Variants in CTNND2 observed in about 807,000 individuals in gnomAD.
CTNND2 encodes the protein catenin delta 2.
In CTNND2, 22 loss-of-function variants were observed where a neutral mutation model predicts 144.4. That is an observed-to-expected ratio of 0.15 (90% CI 0.11 to 0.22). The LOEUF (loss-of-function observed/expected upper bound fraction) is 0.22. CTNND2 is among the 10% of genes least tolerant of loss of function. CTNND2 has a pLI of 1.00. For synonymous variants in CTNND2, 751 were observed against 695.6 expected (o/e 1.08, Z -1.25); for missense variants, 1,353 against 1,618.8 (o/e 0.84, Z 2.82).
chr5:11,893,676 TC>T (rs1157365506), intron 1 of CTNND2, among the ~76,000 whole-genome samples: 4 of 152,064 alleles, frequency 2.6e-5, no homozygotes, highest in Non-Finnish European at 5.9e-5. Flanking sequence ...AACGTTAATT[TC>T]CTCCAGCCAT....
At chr5:11,747,168 C>G (rs74569195) in intron 1 of CTNND2, among the ~76,000 whole-genome samples, 12,077 of 152,152 alleles carry the variant, frequency 0.079, 1,288 homozygotes, top group African/African-American at 0.24. Flanking sequence ...CCAGACAACA[C>G]AAATATATTT....
chr5:11,655,735 T>C (rs1401103744), intron 2 of CTNND2, among the ~76,000 whole-genome samples: 3 of 152,096 alleles, frequency 2.0e-5, no homozygotes, highest in African/African-American at 4.8e-5. Flanking sequence ...ATAAGATCAA[T>C]CCATATGTAC....
In CTNND2 at chr5:11,384,819, G is replaced by T. The variant is rs756505565; in HGVS notation, c.1023C>A (p.Ile341=). The T allele has an allele frequency of 1.9e-6, 3 of 1,613,338 alleles. No individual in the cohort carries two copies. Among genetic ancestry groups the T allele is most frequent in the Non-Finnish European group, 2.5e-6 (3 of 1,179,746 alleles). The part of the protein sequence containing the change: ...VTSPPTVQST[I]SSSPIHQLSS... ...TCAGCTGGTGGATGGGCGAGGAGGAGATGGTGGACTGCACGGTGGGGGGCG... is the reference window on the plus strand; with the variant it reads ...TCAGCTGGTGGATGGGCGAGGAGGATATGGTGGACTGCACGGTGGGGGGCG... The change falls in exon 7 of 22, where the codon ATC becomes ATA. Residue 341 remains isoleucine, a synonymous_variant. Transcript: ENST00000304623. The surrounding 1 kb of genome is among the most constrained non-coding windows in gnomAD (Gnocchi z 5.2).
At chr5:11,220,168 G>A (rs1251640451) in intron 10 of CTNND2, among the ~76,000 whole-genome samples, 1 of 151,898 alleles carries the variant, frequency 6.6e-6, no homozygotes, top group African/African-American at 2.4e-5. Flanking sequence ...TCCATCACCT[G>A]TGAAGATGGT....
chr5:11,224,119 C>T (rs1259016797), intron 10 of CTNND2, among the ~76,000 whole-genome samples: 1 of 152,170 alleles, frequency 6.6e-6, no homozygotes, highest in Non-Finnish European at 1.5e-5. Context: ...ATCTATACCT[C>T]CACGCAGCGG....
At chr5:11,266,414 T>A (rs1745445514) in intron 9 of CTNND2, among the ~76,000 whole-genome samples, 1 of 152,196 alleles carries the variant, frequency 6.6e-6, no homozygotes, top group South Asian at 2.1e-4. Context: ...CTGCAGAGTG[T>A]CACCACATTT....
At chr5:11,198,597 T>C (rs558447872) in intron 11 of CTNND2, among the ~76,000 whole-genome samples, 10 of 152,234 alleles carry the variant, frequency 6.6e-5, no homozygotes, top group Non-Finnish European at 1.5e-4. Context: ...AAAGATCTTT[T>C]TAGACAGTCA....
chr5:10,992,407 C>A (rs1307720861), intron 19 of CTNND2, 144 bp downstream of exon 19: 7 of 1,191,708 alleles, frequency 5.9e-6, no homozygotes, highest in African/African-American at 1.5e-5. Context: ...CACCACAGTA[C>A]AAAGAACAGA....
rs115757460 is a variant in CTNND2 at position 11,445,324 on chromosome 5, T to A, written c.288-33255A>T. ...TATTAGTCATATTGGGTTAGGGATA[T>A]CTCATCCTAACTTGATTACATCTGC... On this transcript the variant is annotated intron_variant, in intron 3 of 21. Coordinates refer to ENST00000304623, the MANE Select transcript of CTNND2 (RefSeq NM_001332.4). Among the ~76,000 whole-genome samples the A allele has an allele frequency of 9.1e-3, 1,385 of 152,282 alleles. 21 individuals are homozygous for A. The highest frequency in any genetic ancestry group is 0.03 in the African/African-American group (1,267 of 41,568).
At chr5:11,447,723 T>C (rs1279414921) in intron 3 of CTNND2, among the ~76,000 whole-genome samples, 1 of 152,184 alleles carries the variant, frequency 6.6e-6, no homozygotes, top group Non-Finnish European at 1.5e-5. Flanking sequence ...ACGTGGCTAC[T>C]GTCCACCCAG....
At chr5:11,193,169 TA>T (rs201338007) in intron 11 of CTNND2, among the ~76,000 whole-genome samples, 1 of 152,116 alleles carries the variant, frequency 6.6e-6, no homozygotes, top group Admixed American at 6.5e-5. Flanking sequence ...CTGTGCAGAA[TA>T]AAAAATTGGG....
chr5:11,086,097 C>T (rs770284152), intron 15 of CTNND2, among the ~76,000 whole-genome samples: 1 of 152,156 alleles, frequency 6.6e-6, no homozygotes, highest in East Asian at 1.9e-4. Flanking sequence ...GGAGGAGAAA[C>T]GAAGGACCCA....
At chr5:11,180,111 C>G (rs1449633605) in intron 11 of CTNND2, among the ~76,000 whole-genome samples, 8 of 152,072 alleles carry the variant, frequency 5.3e-5, no homozygotes. Flanking sequence ...GAGGGAGGGA[C>G]CTGGTGGGAG....
At chr5:11,086,404 C>T (rs1022052722) in intron 15 of CTNND2, among the ~76,000 whole-genome samples, 5 of 152,070 alleles carry the variant, frequency 3.3e-5, no homozygotes, top group African/African-American at 1.2e-4. Context: ...TGTAAGACCC[C>T]CAAGTTTAGC....
chr5:11,330,891 T>C (rs32140), intron 9 of CTNND2, among the ~76,000 whole-genome samples: 110,042 of 151,962 alleles, frequency 0.72, 40,100 homozygotes, highest in South Asian at 0.82. Context: ...TTAGCAAACA[T>C]ACGCAGTGTT....
chr5:11,696,313 T>C (rs1425613641), intron 2 of CTNND2, among the ~76,000 whole-genome samples: 1 of 152,252 alleles, frequency 6.6e-6, no homozygotes, highest in Non-Finnish European at 1.5e-5. Context: ...TGTTTCCAAC[T>C]ATTTAAAATA....
intron 1 of CTNND2, among the ~76,000 whole-genome samples, chr5:11,747,428 C>T (rs1239964258): frequency 6.6e-6 from 1 of 152,150 alleles, no homozygotes; most frequent in African/African-American, 2.4e-5. Context: ...AGCATGCTTA[C>T]CACAGCCCCT....
chr5:11,214,656 A>G (rs1404044882), intron 10 of CTNND2, among the ~76,000 whole-genome samples: 4 of 152,220 alleles, frequency 2.6e-5, no homozygotes, highest in Non-Finnish European at 5.9e-5. Flanking sequence ...TTAGAAGATC[A>G]TTAACCTTGG....
At chr5:10,974,342 G>A (rs1736181489) in intron 21 of CTNND2, among the ~76,000 whole-genome samples, 1 of 152,180 alleles carries the variant, frequency 6.6e-6, no homozygotes, top group African/African-American at 2.4e-5. Flanking sequence ...TGAAGGCCAT[G>A]ACTTTACCTC....
Sources: gnomAD v4.1 joint callset for allele counts (sites outside exome capture counted in the v4.1 genomes callset) on GRCh38, gnomAD v4.1.1 for gene constraint, Gnocchi (gnomAD v3.1) non-coding constraint, MANE v1.5 for transcripts, NCBI Gene and HGNC (gene_info 2026-07-23, HGNC 2026-07-21) for gene names.